The following JAZF1 variants were observed in gnomAD, a reference collection of about 807,000 sequenced individuals.
JAZF1 encodes juxtaposed with another zinc finger protein 1.
In JAZF1, 8 loss-of-function variants were observed where a neutral mutation model predicts 26.4. That is an observed-to-expected ratio of 0.30 (90% CI 0.18 to 0.55). The LOEUF is 0.55. Ranked by LOEUF, JAZF1 falls within the 20% of genes least tolerant of loss-of-function variation. The pLI is 0.94. For synonymous variants in JAZF1, 126 were observed against 122.3 expected, an observed-to-expected ratio of 1.03 and a Z score of -0.20; for missense variants, 199 against 322.0, an observed-to-expected ratio of 0.62 and a Z score of 2.92.
At chr7:27,908,412 C>T (rs988517358) in intron 2 of JAZF1, among the ~76,000 whole-genome samples, 2 of 152,188 alleles carry the variant, frequency 1.3e-5, no homozygotes, top group African/African-American at 4.8e-5. Flanking sequence ...CTCAAGCTTA[C>T]AGACCTCAAG....
At chr7:27,948,612 G>A (rs552903433) in intron 2 of JAZF1, among the ~76,000 whole-genome samples, 12 of 152,220 alleles carry the variant, frequency 7.9e-5, no homozygotes, top group African/African-American at 2.2e-4. Context: ...TCAGGCATGC[G>A]GGAGCACTTA....
chr7:28,123,193 G>A (rs1782632891), intron 1 of JAZF1, among the ~76,000 whole-genome samples: 1 of 152,036 alleles, frequency 6.6e-6, no homozygotes. Flanking sequence ...CATGCAGTTT[G>A]CTCTTGAGAA....
chr7:28,086,832 G>A (rs184242220), intron 1 of JAZF1, among the ~76,000 whole-genome samples: 2 of 152,254 alleles, frequency 1.3e-5, no homozygotes, highest in Admixed American at 1.3e-4. Context: ...TCTGAAGCAA[G>A]AGAAAAGGTT....
chr7:27,841,887 GAATA>G (rs776380550), intron 3 of JAZF1: 1 of 152,098 alleles, frequency 6.6e-6, no homozygotes, highest in Non-Finnish European at 1.5e-5. Flanking sequence ...AAGCCCCGTG[GAATA>G]AATAGGAATT....
At chr7:27,937,037 C>A (rs554350927) in intron 2 of JAZF1, among the ~76,000 whole-genome samples, 2 of 152,262 alleles carry the variant, frequency 1.3e-5, no homozygotes, top group African/African-American at 4.8e-5. Context: ...AAGCATTGTA[C>A]TCATCCTTAG....
rs146163638 is a variant in JAZF1, at chr7:28,042,182, T to C, written c.116-50201A>G. ...AGATGGTGACAATATTTCAAAGAGA[T>C]GGAGCCAACTGTGACAGAAAGAGGC... On this transcript the variant is annotated intron_variant, in intron 1 of 4. Coordinates refer to ENST00000283928, the MANE Select transcript of JAZF1 (RefSeq NM_175061.4). 8.5e-3 allele frequency among the ~76,000 whole-genome samples: 1,297 copies of C among 151,966 alleles called. 7 individuals carry two copies. The highest frequency in any genetic ancestry group is 0.013 in the Non-Finnish European group (874 of 68,012).
chr7:27,884,097 C>G (rs1408678280), intron 3 of JAZF1, among the ~76,000 whole-genome samples: 2 of 152,230 alleles, frequency 1.3e-5, no homozygotes, highest in Non-Finnish European at 2.9e-5. Context: ...AGCAACCACT[C>G]TTTTGTTTCA....
chr7:28,081,827 A>G (rs972587712), intron 1 of JAZF1, among the ~76,000 whole-genome samples: 6 of 152,194 alleles, frequency 3.9e-5, no homozygotes, highest in Admixed American at 2.0e-4. Flanking sequence ...ATTTCTATTA[A>G]TTCACATATT....
chr7:28,056,968 C>T (rs1396296001), intron 1 of JAZF1, among the ~76,000 whole-genome samples: 1 of 152,140 alleles, frequency 6.6e-6, no homozygotes, highest in Non-Finnish European at 1.5e-5. Context: ...CTAGAGCATG[C>T]TAAAATGTTA....
intron 1 of JAZF1, among the ~76,000 whole-genome samples, chr7:28,076,709 C>CAAA (rs34918786): frequency 1.4e-4 from 14 of 97,426 alleles, no homozygotes; most frequent in East Asian, 8.2e-4. Context: ...TTCTCTCTCT[C>CAAA]AAAAAAAAAA....
chr7:27,876,410 C>T (rs917361949), intron 3 of JAZF1, among the ~76,000 whole-genome samples: 3 of 152,112 alleles, frequency 2.0e-5, no homozygotes, highest in East Asian at 1.9e-4. Context: ...GATAGGACCT[C>T]GAGGGGCATA....
intron 3 of JAZF1, among the ~76,000 whole-genome samples, chr7:27,872,006 T>C (rs1400039084): frequency 2.0e-5 from 3 of 152,248 alleles, no homozygotes; most frequent in Non-Finnish European, 4.4e-5. Context: ...CAAATTGTTA[T>C]AATGTCACTG....
chr7:28,052,031 GA>G (rs976812013), intron 1 of JAZF1, among the ~76,000 whole-genome samples: 3 of 150,528 alleles, frequency 2.0e-5, no homozygotes, highest in African/African-American at 2.4e-5. Context: ...ATGTTTAAAG[GA>G]AAAAAAAATT....
At chr7:28,133,646 ACT>A (rs1260011980) in intron 1 of JAZF1, among the ~76,000 whole-genome samples, 1 of 152,144 alleles carries the variant, frequency 6.6e-6, no homozygotes, top group Non-Finnish European at 1.5e-5. Context: ...GAACCTGTCC[ACT>A]GTCATAATTC....
At chr7:27,860,279 A>T (rs1783355718) in intron 3 of JAZF1, among the ~76,000 whole-genome samples, 1 of 152,182 alleles carries the variant, frequency 6.6e-6, no homozygotes. Flanking sequence ...CTTTGGGAAA[A>T]TTGGTTCTGT....
intron 2 of JAZF1, among the ~76,000 whole-genome samples, chr7:27,978,544 A>G (rs907102359): frequency 6.6e-6 from 1 of 152,238 alleles, no homozygotes; most frequent in African/African-American, 2.4e-5. Context: ...AAAAAGAACA[A>G]AAAGCCATTC....
intron 1 of JAZF1, among the ~76,000 whole-genome samples, chr7:28,033,494 C>A (rs1783229042): frequency 6.6e-6 from 1 of 152,126 alleles, no homozygotes; most frequent in South Asian, 2.1e-4. Context: ...GGAGTAAAAC[C>A]CCTGGAAGAG....
chr7:28,140,937 T>C (rs864745), intron 1 of JAZF1, among the ~76,000 whole-genome samples: 62,286 of 152,152 alleles, frequency 0.41, 13,752 homozygotes, highest in Non-Finnish European at 0.5. Context: ...TGAACTGTTA[T>C]AATGTTTTGA....
chr7:27,890,174 G>A (rs1783944944), intron 3 of JAZF1, among the ~76,000 whole-genome samples: 1 of 152,196 alleles, frequency 6.6e-6, no homozygotes, highest in Non-Finnish European at 1.5e-5. Context: ...TGGTATAATG[G>A]TAAAGTGGGG....
Sources: allele counts gnomAD v4.1 joint callset (sites outside exome capture counted in the v4.1 genomes callset), GRCh38; gene constraint gnomAD v4.1.1; transcripts MANE v1.5; gene names NCBI Gene and HGNC (gene_info 2026-07-23, HGNC 2026-07-21).